Variants in CCDC178 observed in about 807,000 individuals in gnomAD.
The protein encoded by CCDC178 is coiled-coil domain containing 178.
Under a neutral mutation model 117.4 loss-of-function variants are expected in CCDC178, and 126 were observed. That is an observed-to-expected ratio of 1.07 (90% CI 0.93 to 1.24). The LOEUF (loss-of-function observed/expected upper bound fraction) is 1.24, where lower values mean the gene tolerates loss of function less well. Ranked by LOEUF, CCDC178 falls within the 50% of genes most tolerant of loss-of-function variation. The probability of loss-of-function intolerance (pLI) is 0.00; values close to 1 mark genes in which losing one functional copy is unlikely to be tolerated. For missense variants in CCDC178, 1,030 were observed against 986.9 expected (o/e 1.04, Z -0.59); for synonymous variants, 283 against 313.4 (o/e 0.90, Z 1.02).
intron 20 of CCDC178, among the ~76,000 whole-genome samples, chr18:33,175,040 T>C (rs200869626): frequency 9.1e-6 from 1 of 109,540 alleles, no homozygotes. Flanking sequence ...TTTTATTTTT[T>C]TATTTTTTTT....
At chr18:33,412,244 C>T in intron 2 of CCDC178, 134 bp from the exon 3 acceptor site, 2 of 412,150 alleles carry the variant, frequency 4.9e-6, no homozygotes, top group Non-Finnish European at 8.9e-6. Context: ...CAACAATGTA[C>T]TCTTTTTCTT....
intron 20 of CCDC178, among the ~76,000 whole-genome samples, chr18:33,113,474 C>A (rs149093396): frequency 6.6e-6 from 1 of 151,986 alleles, no homozygotes; most frequent in African/African-American, 2.4e-5. Context: ...CACTTGATAT[C>A]TTAAAATGGT....
chr18:33,345,849 G>C (rs1276248743), intron 9 of CCDC178, among the ~76,000 whole-genome samples: 2 of 152,058 alleles, frequency 1.3e-5, no homozygotes, highest in Non-Finnish European at 2.9e-5. Context: ...ACTCTAAACA[G>C]GTGATATTTA....
At chr18:33,190,738 G>A (rs1010314293) in intron 20 of CCDC178, among the ~76,000 whole-genome samples, 2 of 152,190 alleles carry the variant, frequency 1.3e-5, no homozygotes, top group Admixed American at 6.5e-5. Flanking sequence ...GAAGCTAAGT[G>A]TAATAGAGGA....
chr18:33,253,401 A>C (rs955084620), intron 14 of CCDC178, among the ~76,000 whole-genome samples: 1 of 151,878 alleles, frequency 6.6e-6, no homozygotes, highest in African/African-American at 2.4e-5. Context: ...CTTAGTGTAC[A>C]TAACAGTTCC....
intron 21 of CCDC178, among the ~76,000 whole-genome samples, chr18:33,030,832 G>T (rs1392220150): frequency 6.6e-6 from 1 of 152,094 alleles, no homozygotes; most frequent in Non-Finnish European, 1.5e-5. Context: ...AATTTAATAG[G>T]GAATTGGCTC....
intron 20 of CCDC178, among the ~76,000 whole-genome samples, chr18:33,127,000 AT>A (rs2058014342): frequency 3.1e-5 from 4 of 127,552 alleles, no homozygotes; most frequent in East Asian, 2.5e-4. Context: ...AAAAAAAAAT[AT>A]ATATATATAT....
intron 20 of CCDC178, among the ~76,000 whole-genome samples, chr18:33,209,969 C>G (rs1334552002): frequency 6.6e-6 from 1 of 151,904 alleles, no homozygotes; most frequent in Non-Finnish European, 1.5e-5. Context: ...GAGATTGATT[C>G]AGCTTCTGCA....
chr18:33,348,838 T>C, intron 8 of CCDC178, 52 bp downstream of exon 8: 1 of 1,085,350 alleles, frequency 9.2e-7, no homozygotes, highest in Non-Finnish European at 1.4e-6. Context: ...TTAAATGAAG[T>C]CAATGAACTT....
At chr18:33,146,052 G>C (rs1313356915) in intron 20 of CCDC178, among the ~76,000 whole-genome samples, 2 of 152,296 alleles carry the variant, frequency 1.3e-5, no homozygotes, top group African/African-American at 4.8e-5. Context: ...TTTGATGAGT[G>C]GTCTGGTATA....
intron 20 of CCDC178, among the ~76,000 whole-genome samples, chr18:33,160,850 C>T (rs16964310): frequency 0.046 from 6,923 of 152,062 alleles, 233 homozygotes; most frequent in East Asian, 0.11. Context: ...TCCTCACATA[C>T]CTTATGCTTT....
chr18:33,344,815 A>G (rs1292950908), intron 9 of CCDC178, among the ~76,000 whole-genome samples: 4 of 141,918 alleles, frequency 2.8e-5, no homozygotes, highest in African/African-American at 1.1e-4. Context: ...ACACACACAC[A>G]CACACACACA....
At chr18:33,071,475 A>G (rs1338619775) in intron 21 of CCDC178, among the ~76,000 whole-genome samples, 1 of 152,112 alleles carries the variant, frequency 6.6e-6, no homozygotes, top group African/African-American at 2.4e-5. Flanking sequence ...TCAAATTTTC[A>G]TCACCTGGAA....
At chr18:33,373,917 T>G (rs900354955) in intron 5 of CCDC178, among the ~76,000 whole-genome samples, 1 of 152,156 alleles carries the variant, frequency 6.6e-6, no homozygotes, top group African/African-American at 2.4e-5. Context: ...TCTCCAGTTA[T>G]AAGCAACTCT....
chr18:33,180,476 T>G (rs1482259539), intron 20 of CCDC178, among the ~76,000 whole-genome samples: 1 of 151,932 alleles, frequency 6.6e-6, no homozygotes, highest in Non-Finnish European at 1.5e-5. Context: ...TATAATCCAA[T>G]GAGTCATACT....
chr18:33,086,187 C>T (rs2057375546), intron 21 of CCDC178, among the ~76,000 whole-genome samples: 1 of 151,770 alleles, frequency 6.6e-6, no homozygotes, highest in Non-Finnish European at 1.5e-5. Flanking sequence ...ACTACAGTAT[C>T]AAAGAAAGTC....
At chr18:33,103,324 C>T (rs1463540814) in intron 20 of CCDC178, among the ~76,000 whole-genome samples, 1 of 151,574 alleles carries the variant, frequency 6.6e-6, no homozygotes, top group Non-Finnish European at 1.5e-5. Flanking sequence ...TACATTATCT[C>T]CCAACAGGTC....
At chr18:33,314,422 C>T (rs1024151983) in intron 11 of CCDC178, among the ~76,000 whole-genome samples, 1 of 151,922 alleles carries the variant, frequency 6.6e-6, no homozygotes, top group African/African-American at 2.4e-5. Flanking sequence ...AGGACTTTAG[C>T]CAAATTGTGC....
At chr18:32,952,189 T>G (rs2054501641) in intron 22 of CCDC178, among the ~76,000 whole-genome samples, 1 of 152,182 alleles carries the variant, frequency 6.6e-6, no homozygotes, top group Non-Finnish European at 1.5e-5. Flanking sequence ...TTCTCACAGC[T>G]CCACTAGGCA....
Sources: allele counts gnomAD v4.1 joint callset (sites outside exome capture counted in the v4.1 genomes callset), GRCh38; gene constraint gnomAD v4.1.1; transcripts MANE v1.5; gene names NCBI Gene and HGNC (gene_info 2026-07-23, HGNC 2026-07-21).